The following SV2B variants were observed in gnomAD, a reference collection of about 807,000 sequenced individuals.
SV2B encodes synaptic vesicle glycoprotein 2B.
A neutral mutation model predicts 73.9 loss-of-function variants in SV2B; 41 were observed. The observed-to-expected ratio is 0.56, with a 90% CI of 0.43 to 0.72. The LOEUF (loss-of-function observed/expected upper bound fraction) is 0.72, where lower values mean the gene tolerates loss of function less well. Among genes scored for constraint, SV2B ranks in the 30% least tolerant of loss-of-function variants. The pLI is 0.00. For missense variants in SV2B, 764 were observed against 857.8 expected, an observed-to-expected ratio of 0.89 and a Z score of 1.37; for synonymous variants, 314 against 314.2, an observed-to-expected ratio of 1.00 and a Z score of 0.01.
At chr15:91,162,257 A>G (rs929467566) in intron 1 of SV2B, among the ~76,000 whole-genome samples, 42 of 152,280 alleles carry the variant, frequency 2.8e-4, no homozygotes, top group African/African-American at 1.0e-3. Context: ...TTTCTTCCAG[A>G]AAATACCACA....
rs113739287 is a variant in SV2B, at chr15:91,239,256, CAG to C, written c.451+12545_451+12546del. On this transcript the variant is annotated intron_variant, in intron 2 of 12. Coordinates refer to ENST00000394232, the MANE Select transcript of SV2B (RefSeq NM_001323032.3). The surrounding 1 kb of genome is among the most constrained non-coding windows in gnomAD (Gnocchi z 5.1). ...TTCACCACTGGAGATTTTGCTGACT[CAG>C]AGGCATTCATCAATCTCTGCTGGGG... Among the ~76,000 whole-genome samples the C allele has an allele frequency of 1.2e-4, 18 of 151,986 alleles. No homozygotes were observed. Among genetic ancestry groups the C allele is most frequent in the African/African-American group, 4.1e-4 (17 of 41,436 alleles).
chr15:91,209,114 G>GTTTTTTT (rs903531189), intron 1 of SV2B, among the ~76,000 whole-genome samples: 1,195 of 89,238 alleles, frequency 0.013, 2 homozygotes, highest in Non-Finnish European at 0.018. Flanking sequence ...ACTGTTTTTT[G>GTTTTTTT]TTTTTTTTTT....
intron 1 of SV2B, among the ~76,000 whole-genome samples, chr15:91,222,371 A>G (rs1020739460): frequency 2.6e-5 from 4 of 152,254 alleles, no homozygotes; most frequent in Admixed American, 1.3e-4. Flanking sequence ...CAAGTATTCA[A>G]TAAATGAAAG....
chr15:91,277,591 G>C (rs1047367677), intron 9 of SV2B, among the ~76,000 whole-genome samples: 1 of 152,152 alleles, frequency 6.6e-6, no homozygotes, highest in African/African-American at 2.4e-5. Flanking sequence ...CTTTTACTTA[G>C]CATAATGCAT....
intron 1 of SV2B, among the ~76,000 whole-genome samples, chr15:91,181,094 T>C (rs1429965523): frequency 2.6e-5 from 4 of 152,334 alleles, no homozygotes; most frequent in Admixed American, 6.5e-5. Context: ...TTTCTGTTTG[T>C]TAGTTTTCCT....
At chr15:91,174,131 G>T (rs79447989) in intron 1 of SV2B, among the ~76,000 whole-genome samples, 1,776 of 152,320 alleles carry the variant, frequency 0.012, 36 homozygotes, top group African/African-American at 0.041. Flanking sequence ...GCGGAACATT[G>T]CAGAGATACA....
Position 91,174,024 on chromosome 15 carries a change from C to A in SV2B, c.-391-51849C>A, listed in dbSNP as rs141913270. On this transcript the variant is annotated intron_variant, in intron 1 of 12. Coordinates refer to ENST00000394232, the MANE Select transcript of SV2B (RefSeq NM_001323032.3). ...CAGTGTCTATGTGAGAAAATATACTCATTCATCATTTTCTGCATTTATTTT... is the reference window on the plus strand; with the variant it reads ...CAGTGTCTATGTGAGAAAATATACTAATTCATCATTTTCTGCATTTATTTT... Among the ~76,000 whole-genome samples the A allele has an allele frequency of 2.3e-3, 354 of 152,324 alleles. 2 individuals are homozygous for A. Among genetic ancestry groups the A allele is most frequent in the African/African-American group, 8.3e-3 (343 of 41,568 alleles).
chr15:91,154,070 T>G (rs1299533149), intron 1 of SV2B, among the ~76,000 whole-genome samples: 1 of 149,632 alleles, frequency 6.7e-6, no homozygotes, highest in Non-Finnish European at 1.5e-5. Flanking sequence ...AGGGTCTCTT[T>G]ATATTATTTT....
Position 91,292,601 on chromosome 15 carries a change from G to A in SV2B, c.*49G>A, listed in dbSNP as rs1383497684. 3 of 1,572,818 alleles carry A rather than the reference G, an allele frequency of 1.9e-6. No homozygotes were observed. In the African/African-American group the frequency reaches 4.1e-5, roughly 21 times the overall value. ...TCGAGAGAATCTTGTCCAGGACACT[G>A]AAATGCATCCACACTTCCTGCCTAT... On this transcript the variant is annotated 3_prime_UTR_variant, in exon 13 of 13. Transcript: ENST00000394232.
rs1007230069 is a variant in SV2B, at chr15:91,160,718, G to T, written c.-392+60355G>T. On this transcript the variant is annotated intron_variant, in intron 1 of 12. Transcript: ENST00000394232. ...GAGGGAGTCCCAAAATAGATCCAAG[G>T]ATAAATAGAAAGTTAATGTGTGATA... Among the ~76,000 whole-genome samples, 3 of 152,038 alleles carry T rather than the reference G, an allele frequency of 2.0e-5. No homozygotes were observed. In the East Asian group the frequency reaches 5.8e-4, roughly 29 times the overall value.
Position 91,240,154 on chromosome 15 carries a change from A to G in SV2B, c.452-11665A>G, listed in dbSNP as rs1387200111. 1.3e-5 allele frequency among the ~76,000 whole-genome samples: 2 copies of G among 152,222 alleles called. No individual in the cohort carries two copies. Among genetic ancestry groups the G allele is most frequent in the East Asian group, 3.8e-4 (2 of 5,200 alleles). ...GAACATGACCAACAGAGTCTATTGCAGGCACAAGGTTTTTAAAGATAGGCT... is the reference window on the plus strand; with the variant it reads ...GAACATGACCAACAGAGTCTATTGCGGGCACAAGGTTTTTAAAGATAGGCT... On this transcript the variant is annotated intron_variant, in intron 2 of 12. Transcript: ENST00000394232. This position sits in a 1 kb window ranked among gnomAD's most constrained non-coding sequence, Gnocchi z 4.6.
chr15:91,257,172 C>T (rs1156302346), intron 4 of SV2B, among the ~76,000 whole-genome samples: 1 of 152,142 alleles, frequency 6.6e-6, no homozygotes, highest in Non-Finnish European at 1.5e-5. Flanking sequence ...TTTTATTCAA[C>T]ATCCTTGGCA....
In SV2B at chr15:91,198,951, G is replaced by A. The variant is rs143905272; in HGVS notation, c.-391-26922G>A. Among the ~76,000 whole-genome samples the A allele has an allele frequency of 3.6e-3, 548 of 152,242 alleles. 1 individual carries two copies. Among genetic ancestry groups the A allele is most frequent in the African/African-American group, 0.013 (531 of 41,536 alleles). On this transcript the variant is annotated intron_variant, in intron 1 of 12. Transcript: ENST00000394232. ...GCATGCACATTTGAAATTCGAAACA[G>A]CATATTCAGTATTATCGAATATTAT...
At chr15:91,272,003 G>A (rs2048333102) in intron 9 of SV2B, among the ~76,000 whole-genome samples, 1 of 152,168 alleles carries the variant, frequency 6.6e-6, no homozygotes, top group South Asian at 2.1e-4. Context: ...GGAAGTTGTT[G>A]ACAAAGGAAA....
chr15:91,120,509 G>A (rs2042302742), intron 1 of SV2B, among the ~76,000 whole-genome samples: 1 of 152,080 alleles, frequency 6.6e-6, no homozygotes, highest in Non-Finnish European at 1.5e-5. Flanking sequence ...AAAATGCTTT[G>A]TATTTTAAAA....
At position 91,234,789 on chromosome 15, in the gene SV2B, C is replaced by T. The variant is rs2046715149; in HGVS notation, c.451+8075C>T. ...AAAAATTTATACCATTAATCTTTCT[C>T]TCAGTGTTCCCCAAAGAGACCTGTG... is the stretch of plus-strand genomic sequence containing the variant. On this transcript the variant is annotated intron_variant, in intron 2 of 12. Coordinates refer to ENST00000394232, the MANE Select transcript of SV2B (RefSeq NM_001323032.3). The surrounding 1 kb of genome is among the most constrained non-coding windows in gnomAD (Gnocchi z 5.6). 6.6e-6 allele frequency among the ~76,000 whole-genome samples: 1 copy of T among 152,198 alleles called. No homozygotes were observed. The highest frequency in any genetic ancestry group is 2.1e-4 in the South Asian group (1 of 4,830).
chr15:91,100,150 CCGCGTGCTCTGTAGCGCGGGGGCGCGCTG>C (rs1466454512), upstream of SV2B: 13 of 152,070 alleles, frequency 8.5e-5, no homozygotes, highest in Admixed American at 2.0e-4. The surrounding 1 kb of genome is among the most constrained non-coding windows in gnomAD (Gnocchi z 6.4). Flanking sequence ...GCCTCCCGCC[CCGCGTGCTCTGTAGCGCGGGGGCGCGCTG>C]CGCGCTGCGC....
intron 1 of SV2B, among the ~76,000 whole-genome samples, chr15:91,164,232 A>C (rs1567305375): frequency 6.6e-6 from 1 of 152,214 alleles, no homozygotes; most frequent in Non-Finnish European, 1.5e-5. Flanking sequence ...CTTTCTTTGC[A>C]GAACTGGAAA....
intron 1 of SV2B, among the ~76,000 whole-genome samples, chr15:91,208,026 G>C (rs1048832214): frequency 6.6e-5 from 10 of 152,302 alleles, no homozygotes; most frequent in African/African-American, 2.4e-4. Flanking sequence ...AGGGGAGAAG[G>C]GGGTCAGAGA....
Sources: gnomAD v4.1 joint callset for allele counts (sites outside exome capture counted in the v4.1 genomes callset) on GRCh38, gnomAD v4.1.1 for gene constraint, Gnocchi (gnomAD v3.1) non-coding constraint, MANE v1.5 for transcripts, NCBI Gene and HGNC (gene_info 2026-07-23, HGNC 2026-07-21) for gene names.